Variants in SEMA5A observed in about 807,000 individuals in gnomAD.
SEMA5A encodes semaphorin 5A.
Under a neutral mutation model 135.5 loss-of-function variants are expected in SEMA5A, and 55 were observed. That is an observed-to-expected ratio of 0.41 (90% CI 0.33 to 0.51). The LOEUF is 0.51. SEMA5A is among the 20% of genes least tolerant of loss of function. SEMA5A has a pLI of 0.37. For synonymous variants in SEMA5A, 580 were observed against 546.5 expected (o/e 1.06, Z -0.85); for missense variants, 1,290 against 1,419.9 (o/e 0.91, Z 1.47).
intron 5 of SEMA5A, among the ~76,000 whole-genome samples, chr5:9,287,764 C>T (rs1171315975): frequency 6.6e-6 from 1 of 152,190 alleles, no homozygotes. Flanking sequence ...TACCAGAGAT[C>T]ACGTGGCCTG....
At chr5:9,144,202 T>C (rs2150236015) in intron 12 of SEMA5A, among the ~76,000 whole-genome samples, 1 of 152,338 alleles carries the variant, frequency 6.6e-6, no homozygotes, top group Middle Eastern at 3.4e-3. Context: ...TCCTCTCCTC[T>C]TGGCTAATTA....
chr5:9,248,518 A>G (rs1748592413), intron 5 of SEMA5A, among the ~76,000 whole-genome samples: 1 of 151,252 alleles, frequency 6.6e-6, no homozygotes, highest in African/African-American at 2.4e-5. Context: ...AAAGATATCC[A>G]TCATCATCTC....
At chr5:9,360,196 C>T (rs538160483) in intron 3 of SEMA5A, among the ~76,000 whole-genome samples, 2 of 152,256 alleles carry the variant, frequency 1.3e-5, no homozygotes, top group Middle Eastern at 3.4e-3. Context: ...GTAAATTAAT[C>T]AAAAGCTAGC....
intron 1 of SEMA5A, among the ~76,000 whole-genome samples, chr5:9,495,332 C>T (rs1009889399): frequency 6.6e-6 from 1 of 152,018 alleles, no homozygotes; most frequent in Non-Finnish European, 1.5e-5. Context: ...ACCGTGAAGC[C>T]CACTCAAGGG....
chr5:9,161,797 T>C (rs1743271115), intron 11 of SEMA5A, among the ~76,000 whole-genome samples: 2 of 152,358 alleles, frequency 1.3e-5, no homozygotes, highest in South Asian at 2.1e-4. Context: ...TTTTCAAATA[T>C]AGAGGTCCTT....
chr5:9,062,739 G>T, intron 18 of SEMA5A, 148 bp downstream of exon 18: 1 of 792,994 alleles, frequency 1.3e-6, no homozygotes. Context: ...GGGATTACCA[G>T]CATGAGCAAC....
chr5:9,379,967 C>T lies in SEMA5A; in HGVS notation c.-21G>A, dbSNP rs746927044. The T allele has an allele frequency of 1.2e-6, 2 of 1,601,848 alleles. No homozygotes were observed. Among genetic ancestry groups the T allele is most frequent in the South Asian group, 2.2e-5 (2 of 90,278 alleles). ...TTCATGGTGGGCAAGGGGCCTCTGA[C>T]TCTGGGCACGTGTCTTCTAAACAGA... is the stretch of plus-strand genomic sequence containing the variant. On this transcript the variant is annotated 5_prime_UTR_variant, in exon 3 of 23. Coordinates refer to ENST00000382496, the MANE Select transcript of SEMA5A (RefSeq NM_003966.3).
chr5:9,178,949 C>T (rs115763788), intron 11 of SEMA5A, among the ~76,000 whole-genome samples: 236 of 152,252 alleles, frequency 1.6e-3, no homozygotes, highest in African/African-American at 5.5e-3. Context: ...TCGTGTTCTA[C>T]ATTAGACATG....
chr5:9,333,371 C>G (rs920332420), intron 4 of SEMA5A, among the ~76,000 whole-genome samples: 1 of 152,164 alleles, frequency 6.6e-6, no homozygotes, highest in African/African-American at 2.4e-5. Flanking sequence ...CAAACACTGC[C>G]TTATGTGTCA....
chr5:9,491,610 G>T (rs1735010420), intron 1 of SEMA5A, among the ~76,000 whole-genome samples: 1 of 152,136 alleles, frequency 6.6e-6, no homozygotes, highest in Non-Finnish European at 1.5e-5. Context: ...TTAAAGTCAG[G>T]TTTAGATTTC....
intron 12 of SEMA5A, among the ~76,000 whole-genome samples, chr5:9,148,744 G>A (rs1431317209): frequency 6.6e-6 from 1 of 152,156 alleles, no homozygotes. Flanking sequence ...TTTTGAGACA[G>A]AGTCTCACTC....
intron 5 of SEMA5A, among the ~76,000 whole-genome samples, chr5:9,277,082 C>T (rs567533010): frequency 4.6e-5 from 7 of 152,210 alleles, no homozygotes; most frequent in African/African-American, 1.7e-4. Context: ...GGGCTAATTT[C>T]CAGAATCTAC....
intron 4 of SEMA5A, among the ~76,000 whole-genome samples, chr5:9,328,882 C>T (rs1226894824): frequency 1.3e-5 from 2 of 151,856 alleles, no homozygotes; most frequent in Non-Finnish European, 1.5e-5. Flanking sequence ...TCAGGTGAAC[C>T]TAAGACTGGC....
intron 11 of SEMA5A, among the ~76,000 whole-genome samples, chr5:9,169,473 A>G (rs1166536117): frequency 1.3e-5 from 2 of 152,138 alleles, no homozygotes; most frequent in African/African-American, 4.8e-5. Flanking sequence ...CGGCATGTAA[A>G]CGTGTCACAC....
chr5:9,242,612 TG>T (rs139920399), intron 5 of SEMA5A, among the ~76,000 whole-genome samples: 1,760 of 152,230 alleles, frequency 0.012, 32 homozygotes, highest in African/African-American at 0.04. Context: ...TGAGGACTTA[TG>T]GGGAAGAGTG....
chr5:9,403,690 T>C (rs565072514), intron 2 of SEMA5A, among the ~76,000 whole-genome samples: 3 of 152,214 alleles, frequency 2.0e-5, no homozygotes, highest in African/African-American at 7.2e-5. Flanking sequence ...TGCTGAAAAA[T>C]GAGCCAATCC....
intron 1 of SEMA5A, among the ~76,000 whole-genome samples, chr5:9,501,668 T>A (rs1338852205): frequency 6.6e-6 from 1 of 152,124 alleles, no homozygotes; most frequent in Non-Finnish European, 1.5e-5. Context: ...GCAGCAGCTG[T>A]TTACACCCTT....
intron 18 of SEMA5A, among the ~76,000 whole-genome samples, chr5:9,058,684 T>C (rs1737022417): frequency 1.3e-5 from 2 of 152,102 alleles, no homozygotes; most frequent in South Asian, 2.1e-4. Flanking sequence ...AATAGCAAAG[T>C]AAAAACTAAA....
At chr5:9,089,208 A>T (rs1738896349) in intron 16 of SEMA5A, among the ~76,000 whole-genome samples, 1 of 152,198 alleles carries the variant, frequency 6.6e-6, no homozygotes, top group Non-Finnish European at 1.5e-5. Flanking sequence ...CAAACCTCAC[A>T]GCACTTCTTC....
Sources: allele counts gnomAD v4.1 joint callset (sites outside exome capture counted in the v4.1 genomes callset), GRCh38; gene constraint gnomAD v4.1.1; transcripts MANE v1.5; gene names NCBI Gene and HGNC (gene_info 2026-07-23, HGNC 2026-07-21).